GLT8D2: variants seen among roughly 807,000 people sequenced by gnomAD.
GLT8D2 encodes the protein glycosyltransferase 8 domain containing 2, also known as glycosyltransferase 8 domain-containing protein 2.
A neutral mutation model predicts 44.5 loss-of-function variants in GLT8D2; 45 were observed. The observed-to-expected ratio is 1.01, with a 90% confidence interval of 0.80 to 1.30. GLT8D2 has a LOEUF of 1.30. Ranked by LOEUF, GLT8D2 falls within the 50% of genes most tolerant of loss-of-function variation. The pLI, the probability that GLT8D2 is intolerant of heterozygous loss-of-function variation, is 0.00. For missense variants in GLT8D2, 400 were observed against 430.4 expected, an observed-to-expected ratio of 0.93 and a Z score of 0.62; for synonymous variants, 156 against 157.2, an observed-to-expected ratio of 0.99 and a Z score of 0.06.
chr12:104,022,774 A>G (rs1327575124), intron 1 of GLT8D2, among the ~76,000 whole-genome samples: 2 of 149,690 alleles, frequency 1.3e-5, no homozygotes, highest in African/African-American at 2.5e-5. Context: ...ACACACATGC[A>G]CACACACACA....
At chr12:104,016,826 AAAAGAAAGAAAGAAAGAAAG>A (rs200147212) in intron 3 of GLT8D2, among the ~76,000 whole-genome samples, 34 of 72,554 alleles carry the variant, frequency 4.7e-4, no homozygotes, top group Admixed American at 9.6e-4. Context: ...AAAGAGAAAG[AAAAGAAAGAAAGAAAGAAAG>A]AAAGAAAGAA....
At chr12:103,998,417 T>A (rs2629805) in intron 6 of GLT8D2, among the ~76,000 whole-genome samples, 37,512 of 149,746 alleles carry the variant, frequency 0.25, 4,914 homozygotes, top group Admixed American at 0.33. Flanking sequence ...TAAAAAAAAA[T>A]TTTTTTTTTT....
chr12:104,027,750 C>T (rs890708690), intron 1 of GLT8D2, among the ~76,000 whole-genome samples: 1 of 152,100 alleles, frequency 6.6e-6, no homozygotes, highest in African/African-American at 2.4e-5. Flanking sequence ...CATTGTGGCT[C>T]GGAGAGGTTC....
intron 6 of GLT8D2, among the ~76,000 whole-genome samples, chr12:103,998,851 A>T (rs1321852312): frequency 6.6e-6 from 1 of 152,158 alleles, no homozygotes; most frequent in African/African-American, 2.4e-5. Context: ...CCAGCCAAAA[A>T]CACCACTTTT....
intron 1 of GLT8D2, among the ~76,000 whole-genome samples, chr12:104,025,286 G>A (rs186017461): frequency 6.6e-6 from 1 of 151,312 alleles, no homozygotes; most frequent in African/African-American, 2.4e-5. Flanking sequence ...TTGGCCCACT[G>A]CAACCTCCAC....
In GLT8D2 at chr12:103,997,469, C is replaced by A. The variant is rs937732863; in HGVS notation, c.469G>T (p.Asp157Tyr). 6.2e-7 allele frequency: 1 copy of A among 1,612,140 alleles called. No individual in the cohort carries two copies. Among genetic ancestry groups the A allele is most frequent in the Non-Finnish European group, 8.5e-7 (1 of 1,178,198 alleles). ...HQHEKVIYLD[D>Y]DVIVQGDIQE... ...AGAGTACCTTGTACAATTACATCAT[C>A]GTCCAAATAGATGACTTTCTCGTGT... Residue 157 changes from aspartate (D) to tyrosine (Y), a missense_variant, in exon 7 of 11, where the codon GAT becomes TAT. Coordinates refer to ENST00000360814, the MANE Select transcript of GLT8D2 (RefSeq NM_001384711.1).
At chr12:104,015,393 A>AACACTC (rs1555278724) in intron 3 of GLT8D2, among the ~76,000 whole-genome samples, 3 of 126,100 alleles carry the variant, frequency 2.4e-5, no homozygotes, top group Non-Finnish European at 4.9e-5. Context: ...AACAACAACA[A>AACACTC]ACACACACAC....
chr12:104,023,269 G>A (rs926817391), intron 1 of GLT8D2, among the ~76,000 whole-genome samples: 1 of 152,082 alleles, frequency 6.6e-6, no homozygotes, highest in Non-Finnish European at 1.5e-5. Flanking sequence ...TGCACATTCT[G>A]CACATGTATC....
chr12:104,012,908 C>T, intron 4 of GLT8D2: 1 of 642,752 alleles, frequency 1.6e-6, no homozygotes, highest in South Asian at 1.7e-5. Flanking sequence ...CGTGAGGACA[C>T]AGCAAGAAGG....
At chr12:104,032,479 A>AAAAAAAAAAAAAAAAAAAAAAAAAAG (rs1879400587) in intron 1 of GLT8D2, among the ~76,000 whole-genome samples, 1 of 150,582 alleles carries the variant, frequency 6.6e-6, no homozygotes, top group African/African-American at 2.4e-5. Context: ...AAAAAAAAAA[A>AAAAAAAAAAAAAAAAAAAAAAAAAAG]AAAAAAAAAA....
At chr12:104,038,096 CT>C (rs1198677800) in intron 1 of GLT8D2, among the ~76,000 whole-genome samples, 2 of 152,174 alleles carry the variant, frequency 1.3e-5, no homozygotes, top group African/African-American at 4.8e-5. Context: ...ATTCAACAGC[CT>C]TTCATGCTAA....
chr12:104,031,559 A>T, intron 1 of GLT8D2: 1 of 1,610,646 alleles, frequency 6.2e-7, no homozygotes, highest in Non-Finnish European at 8.5e-7. Context: ...GGCGGGGAAG[A>T]TACTGTCCCC....
chr12:104,021,226 A>C (rs1194892472), intron 2 of GLT8D2, 131 bp downstream of exon 2: 1 of 152,246 alleles, frequency 6.6e-6, no homozygotes. Context: ...TTCTGTGCCT[A>C]GGTGGGATGG....
intron 1 of GLT8D2, among the ~76,000 whole-genome samples, chr12:104,037,161 G>A (rs1880006209): frequency 6.6e-6 from 1 of 152,208 alleles, no homozygotes; most frequent in Non-Finnish European, 1.5e-5. Flanking sequence ...CACATTTAAA[G>A]CAGTGTGTAG....
chr12:104,044,619 G>A lies in GLT8D2; in HGVS notation c.-164+5276C>T, dbSNP rs76896002. Among the ~76,000 whole-genome samples the A allele has an allele frequency of 4.8e-3, 731 of 152,068 alleles. 11 individuals carry two copies. The highest frequency in any genetic ancestry group is 0.017 in the African/African-American group (686 of 41,430). On this transcript the variant is annotated intron_variant, in intron 1 of 10. Coordinates refer to ENST00000360814, the MANE Select transcript of GLT8D2 (RefSeq NM_001384711.1). ...CCTCCTAATTCCTCCTTCAATCACC[G>A]AGTCCTACTAATTACACCTCTGCAA...
intron 1 of GLT8D2, among the ~76,000 whole-genome samples, chr12:104,055,976 G>A (rs538681502): frequency 4.6e-5 from 7 of 152,278 alleles, no homozygotes; most frequent in African/African-American, 1.7e-4. Context: ...CCTGAGCTTC[G>A]GTGCTCTTGC....
chr12:104,061,223 C>T (rs1159961090), intron 1 of GLT8D2, among the ~76,000 whole-genome samples: 1 of 152,192 alleles, frequency 6.6e-6, no homozygotes, highest in Non-Finnish European at 1.5e-5. Flanking sequence ...CCCTGCAGCT[C>T]CCTATCTAAG....
At chr12:104,008,967 G>T (rs1267636585) in intron 4 of GLT8D2, among the ~76,000 whole-genome samples, 1 of 152,250 alleles carries the variant, frequency 6.6e-6, no homozygotes, top group Non-Finnish European at 1.5e-5. Context: ...GGAAATGTCT[G>T]GATGCCCAGG....
chr12:104,013,031 C>T (rs757908023), intron 4 of GLT8D2, among the ~76,000 whole-genome samples: 15 of 152,334 alleles, frequency 9.8e-5, no homozygotes, highest in Non-Finnish European at 1.8e-4. Context: ...ATGGTCTAGC[C>T]ACCTAGTCTG....
Sources: gnomAD v4.1 joint callset for allele counts (sites outside exome capture counted in the v4.1 genomes callset) on GRCh38, gnomAD v4.1.1 for gene constraint, MANE v1.5 for transcripts, NCBI Gene and HGNC (gene_info 2026-07-23, HGNC 2026-07-21) for gene names.